FMN2: variants seen among roughly 807,000 people sequenced by gnomAD.
The protein encoded by FMN2 is formin 2.
FMN2 carries 51 observed loss-of-function variants against 142.3 expected under a neutral mutation model. The observed-to-expected ratio is 0.36, with a 90% CI of 0.29 to 0.45. FMN2 has a LOEUF of 0.45. FMN2 is among the 20% of genes least tolerant of loss of function. The pLI is 1.00. For missense variants in FMN2, 1,936 were observed against 2,122.8 expected (o/e 0.91, Z 1.73); for synonymous variants, 882 against 869.8 (o/e 1.01, Z -0.25).
rs555074808 is a variant in FMN2, at chr1:240,439,279, A to AAAAAAAAAAAAAGAAAG, written c.5060+1072_5060+1073insAAAAAAAAAGAAAGAAA. On this transcript the variant is annotated intron_variant, in intron 16 of 17. Transcript: ENST00000319653. ...CAGAGCAAGGCTGTCTCAAAAAAAA[A>AAAAAAAAAAAAAGAAAG]AAAGAAAGAAAGAAAGAAAGAAAGA... 6.3e-4 allele frequency among the ~76,000 whole-genome samples: 78 copies of AAAAAAAAAAAAAGAAAG among 124,726 alleles called. 1 individual carries two copies. The highest frequency in any genetic ancestry group is 2.0e-3 in the East Asian group (8 of 4,070). 81.8% of individuals were successfully genotyped at this position (124,726 alleles called of 152,430 possible).
intron 7 of FMN2, among the ~76,000 whole-genome samples, chr1:240,283,011 G>T (rs753543121): frequency 5.9e-5 from 9 of 152,116 alleles, no homozygotes; most frequent in Non-Finnish European, 1.2e-4. Context: ...AATGCTGGGT[G>T]TGACTCTTGA....
chr1:240,392,881 A>G (rs1344292355), intron 15 of FMN2, among the ~76,000 whole-genome samples: 1 of 152,218 alleles, frequency 6.6e-6, no homozygotes, highest in Non-Finnish European at 1.5e-5. Context: ...ATCAAAAAAA[A>G]ACTATGTGAT....
At chr1:240,315,180 T>C (rs1441520994) in intron 8 of FMN2, among the ~76,000 whole-genome samples, 1 of 152,218 alleles carries the variant, frequency 6.6e-6, no homozygotes, top group African/African-American at 2.4e-5. Flanking sequence ...TTGTAGTTTA[T>C]ATATAAGACT....
At chr1:240,274,461 G>T (rs987378647) in intron 7 of FMN2, among the ~76,000 whole-genome samples, 1 of 152,120 alleles carries the variant, frequency 6.6e-6, no homozygotes, top group African/African-American at 2.4e-5. Context: ...GAGAGAATTG[G>T]AGACGTGATT....
intron 2 of FMN2, among the ~76,000 whole-genome samples, chr1:240,129,953 T>C (rs1662668896): frequency 6.6e-6 from 1 of 152,202 alleles, no homozygotes; most frequent in African/African-American, 2.4e-5. Flanking sequence ...TTTTAAATAA[T>C]ATGCTTATGA....
Position 240,121,375 on chromosome 1 carries a change from AT to A in FMN2, c.1616-1799del, listed in dbSNP as rs1335633731. Among the ~76,000 whole-genome samples, 245 of 142,680 alleles carry A rather than the reference AT, an allele frequency of 1.7e-3. 1 individual carries two copies. Among genetic ancestry groups the A allele is most frequent in the African/African-American group, 6.1e-3 (228 of 37,134 alleles). 93.6% of individuals were successfully genotyped at this position (142,680 alleles called of 152,430 possible). ...CCTCAGCCAGTGTCTTATTTTTTTT[AT>A]TTTTATTTTTTTTTTTTTGAGACGG... is the stretch of plus-strand genomic sequence containing the variant. On this transcript the variant is annotated intron_variant, in intron 1 of 17. Coordinates refer to ENST00000319653, the MANE Select transcript of FMN2 (RefSeq NM_020066.5).
intron 2 of FMN2, among the ~76,000 whole-genome samples, chr1:240,132,389 G>A (rs769608789): frequency 3.9e-5 from 6 of 152,146 alleles, no homozygotes; most frequent in Non-Finnish European, 7.3e-5. Context: ...TAGATGTAGT[G>A]AGAATATAGA....
intron 1 of FMN2, among the ~76,000 whole-genome samples, chr1:240,121,851 C>T (rs1662272811): frequency 7.0e-6 from 1 of 141,952 alleles, no homozygotes; most frequent in Non-Finnish European, 1.5e-5. Context: ...TTCTGGGTGA[C>T]TTATTTTTAT....
At chr1:240,366,010 G>A (rs1572235439) in intron 14 of FMN2, among the ~76,000 whole-genome samples, 1 of 152,060 alleles carries the variant, frequency 6.6e-6, no homozygotes, top group South Asian at 2.1e-4. Context: ...GGTGACAAGG[G>A]CACTTTTCAC....
intron 14 of FMN2, among the ~76,000 whole-genome samples, chr1:240,361,132 AATATATGTGTAT>A (rs1273562255): frequency 6.7e-4 from 24 of 35,734 alleles, no homozygotes; most frequent in South Asian, 1.8e-3. Flanking sequence ...ATAATAAATA[AATATATGTGTAT>A]ATATATATAT....
intron 8 of FMN2, 51 bp downstream of exon 8, chr1:240,294,934 C>T: frequency 6.7e-7 from 1 of 1,499,320 alleles, no homozygotes; most frequent in East Asian, 2.3e-5. Context: ...GTACACAGTA[C>T]ATGTCTATGT....
At chr1:240,445,076 A>G (rs1460168615) in intron 16 of FMN2, among the ~76,000 whole-genome samples, 1 of 152,238 alleles carries the variant, frequency 6.6e-6, no homozygotes, top group African/African-American at 2.4e-5. Context: ...TTCTGTAACC[A>G]AAGGTTTGGC....
chr1:240,199,110 A>C (rs1393296102), intron 4 of FMN2, among the ~76,000 whole-genome samples: 1 of 86,370 alleles, frequency 1.2e-5, no homozygotes, highest in South Asian at 3.4e-4. Flanking sequence ...GTCTCAAAAA[A>C]CAAACAAACA....
intron 14 of FMN2, among the ~76,000 whole-genome samples, chr1:240,374,052 C>G (rs926961265): frequency 6.6e-6 from 1 of 152,156 alleles, no homozygotes; most frequent in Non-Finnish European, 1.5e-5. Context: ...ACATCTCCAT[C>G]AGAGCTTTTG....
At chr1:240,433,648 A>G (rs915553782) in intron 15 of FMN2, among the ~76,000 whole-genome samples, 4 of 152,166 alleles carry the variant, frequency 2.6e-5, no homozygotes, top group Non-Finnish European at 1.5e-5. Flanking sequence ...CATGCATTCA[A>G]TTGTGTAAAA....
intron 2 of FMN2, among the ~76,000 whole-genome samples, chr1:240,129,979 TC>T (rs1418360759): frequency 6.6e-6 from 1 of 152,184 alleles, no homozygotes; most frequent in Non-Finnish European, 1.5e-5. Flanking sequence ...TGATATTGTT[TC>T]ATCAAATTCA....
intron 1 of FMN2, among the ~76,000 whole-genome samples, chr1:240,105,269 C>T (rs1261232308): frequency 6.6e-6 from 1 of 151,686 alleles, no homozygotes; most frequent in Non-Finnish European, 1.5e-5. Flanking sequence ...CCACCATGCC[C>T]GGCTAATTTT....
chr1:240,234,449 G>A (rs1667630106), intron 6 of FMN2, among the ~76,000 whole-genome samples: 1 of 152,180 alleles, frequency 6.6e-6, no homozygotes, highest in Non-Finnish European at 1.5e-5. Flanking sequence ...GGCCTTGGAA[G>A]GGTGAGTGCA....
intron 1 of FMN2, among the ~76,000 whole-genome samples, chr1:240,119,373 G>A (rs1052435241): frequency 1.3e-5 from 2 of 151,806 alleles, no homozygotes; most frequent in Non-Finnish European, 2.9e-5. Context: ...ATTGCAGGGC[G>A]AGGATATCCT....
Sources: gnomAD v4.1 joint callset for allele counts (sites outside exome capture counted in the v4.1 genomes callset) on GRCh38, gnomAD v4.1.1 for gene constraint, MANE v1.5 for transcripts, NCBI Gene and HGNC (gene_info 2026-07-23, HGNC 2026-07-21) for gene names.